The following PRELID2 variants were observed in gnomAD, a reference collection of about 807,000 sequenced individuals.
PRELID2 encodes PRELI domain-containing protein 2.
A neutral mutation model predicts 28.4 loss-of-function variants in PRELID2; 25 were observed. The ratio of observed to expected loss-of-function variants is 0.88; its 90% confidence interval spans 0.64 to 1.23. PRELID2 has a LOEUF of 1.23. Ranked by LOEUF, PRELID2 falls within the 50% of genes most tolerant of loss-of-function variation. PRELID2 has a pLI of 0.00. For missense variants in PRELID2, 201 were observed against 214.4 expected (o/e 0.94, Z 0.39); for synonymous variants, 76 against 71.6 (o/e 1.06, Z -0.31).
At chr5:145,229,601 G>A in the PRELID2 span, 19 of 1,251,806 alleles carry the variant, frequency 1.5e-5, no homozygotes, top group African/African-American at 2.9e-5. Flanking sequence ...AGGCAAGCAC[G>A]GTGTGGGCTT....
At chr5:145,511,932 TG>T (rs757649873) in intron 1 of PRELID2, among the ~76,000 whole-genome samples, 3 of 152,128 alleles carry the variant, frequency 2.0e-5, no homozygotes, top group Non-Finnish European at 4.4e-5. Context: ...ACTTACTTAC[TG>T]GGGCAGTGGC....
chr5:145,506,070 T>C (rs1752408132), intron 1 of PRELID2, among the ~76,000 whole-genome samples: 1 of 152,188 alleles, frequency 6.6e-6, no homozygotes, highest in African/African-American at 2.4e-5. Context: ...CAATGCTATG[T>C]TGCATTTTTA....
At chr5:145,568,257 G>A (rs752231972) in intron 1 of PRELID2, among the ~76,000 whole-genome samples, 12 of 152,178 alleles carry the variant, frequency 7.9e-5, no homozygotes, top group Non-Finnish European at 1.8e-4. Flanking sequence ...CCTCCACATG[G>A]AATCCACTGC....
chr5:145,388,273 T>G, the PRELID2 span, among the ~76,000 whole-genome samples: 1 of 152,192 alleles, frequency 6.6e-6, no homozygotes, highest in African/African-American at 2.4e-5. Context: ...GCATTTTAAG[T>G]ATTTTTAAAT....
chr5:145,761,043 G>A (rs964307503), intron 6 of PRELID2, among the ~76,000 whole-genome samples: 1 of 152,230 alleles, frequency 6.6e-6, no homozygotes, highest in East Asian at 1.9e-4. Flanking sequence ...ACAGGTCAGA[G>A]AGTTCTGTGA....
chr5:145,287,625 G>A, the PRELID2 span, among the ~76,000 whole-genome samples: 3 of 152,144 alleles, frequency 2.0e-5, no homozygotes, highest in Admixed American at 2.0e-4. Flanking sequence ...TGTAGATTTA[G>A]ATTTATACAA....
intron 1 of PRELID2, among the ~76,000 whole-genome samples, chr5:145,745,347 G>A (rs995377315): frequency 3.3e-5 from 5 of 151,990 alleles, no homozygotes; most frequent in South Asian, 2.1e-4. Context: ...ATGCAAATTC[G>A]GAAATAGAGA....
chr5:145,790,721 GTATATA>G (rs59779850), intron 5 of PRELID2, among the ~76,000 whole-genome samples: 7 of 110,906 alleles, frequency 6.3e-5, no homozygotes, highest in South Asian at 3.3e-4. Flanking sequence ...GTGTGTGTGT[GTATATA>G]TATATATATA....
At chr5:145,393,036 C>T in the PRELID2 span, among the ~76,000 whole-genome samples, 1 of 152,184 alleles carries the variant, frequency 6.6e-6, no homozygotes, top group Non-Finnish European at 1.5e-5. Context: ...AGCACCAAAC[C>T]CAAACTTCTC....
intron 1 of PRELID2, among the ~76,000 whole-genome samples, chr5:145,604,755 T>G (rs1446442043): frequency 6.8e-6 from 1 of 147,436 alleles, no homozygotes; most frequent in African/African-American, 2.5e-5. Context: ...TTGGTTTTTT[T>G]TTTTTTTTTT....
chr5:145,264,530 A>G, the PRELID2 span, among the ~76,000 whole-genome samples: 1 of 152,318 alleles, frequency 6.6e-6, no homozygotes, highest in Non-Finnish European at 1.5e-5. Context: ...ACCCACAGCC[A>G]AAATTATACT....
At chr5:145,677,415 A>G (rs11958334) in intron 1 of PRELID2, among the ~76,000 whole-genome samples, 4,586 of 152,164 alleles carry the variant, frequency 0.03, 217 homozygotes, top group African/African-American at 0.1. Flanking sequence ...TCGGCCTCCC[A>G]AAGTGTTGGG....
At chr5:145,765,150 T>C in intron 5 of PRELID2, 150 bp from the exon 6 acceptor site, 1 of 590,966 alleles carries the variant, frequency 1.7e-6, no homozygotes, top group Non-Finnish European at 2.9e-6. Context: ...GACATTTTTT[T>C]AATATTTTAC....
intron 1 of PRELID2, among the ~76,000 whole-genome samples, chr5:145,675,938 G>A (rs1016704748): frequency 2.6e-5 from 4 of 152,118 alleles, no homozygotes; most frequent in Admixed American, 2.6e-4. Flanking sequence ...CAATAATGTG[G>A]GGCTGGGCGC....
the PRELID2 span, among the ~76,000 whole-genome samples, chr5:145,270,045 A>G: frequency 6.6e-6 from 1 of 151,804 alleles, no homozygotes; most frequent in African/African-American, 2.4e-5. Context: ...ATACAATTGC[A>G]CACAGGCTAG....
intron 1 of PRELID2, among the ~76,000 whole-genome samples, chr5:145,605,867 A>G (rs1753496926): frequency 6.6e-6 from 1 of 152,054 alleles, no homozygotes; most frequent in Non-Finnish European, 1.5e-5. Flanking sequence ...CGGGATGGCC[A>G]TTTTTAAAAT....
the PRELID2 span, among the ~76,000 whole-genome samples, chr5:145,251,361 T>TTTTAAG: frequency 1.8e-3 from 274 of 152,212 alleles, no homozygotes; most frequent in African/African-American, 6.2e-3. Context: ...CAAGCAAACT[T>TTTTAAG]TTTAAGTGGG....
chr5:145,444,975 G>C, the PRELID2 span, among the ~76,000 whole-genome samples: 2 of 152,062 alleles, frequency 1.3e-5, no homozygotes, highest in Admixed American at 1.3e-4. Flanking sequence ...TATAGATTCA[G>C]TACAACCCCT....
chr5:145,250,640 A>G, the PRELID2 span, among the ~76,000 whole-genome samples: 1 of 152,152 alleles, frequency 6.6e-6, no homozygotes, highest in African/African-American at 2.4e-5. Flanking sequence ...GTAGTGGTTA[A>G]TAAGTGGAAT....
Sources: gnomAD v4.1 joint callset for allele counts (sites outside exome capture counted in the v4.1 genomes callset) on GRCh38, gnomAD v4.1.1 for gene constraint, MANE v1.5 for transcripts, NCBI Gene and HGNC (gene_info 2026-07-23, HGNC 2026-07-21) for gene names.